Variants in CSMD1 observed in about 807,000 individuals in gnomAD.
The protein encoded by CSMD1 is CUB and Sushi multiple domains 1, also known as CUB and sushi domain-containing protein 1.
In CSMD1, 213 loss-of-function variants were observed where a neutral mutation model predicts 417.5. That is an observed-to-expected ratio of 0.51 (90% confidence interval 0.46 to 0.57). The LOEUF (loss-of-function observed/expected upper bound fraction) is 0.57. Ranked by LOEUF, CSMD1 falls within the 20% of genes least tolerant of loss-of-function variation. The pLI is 0.00. For synonymous variants in CSMD1, 2,862 were observed against 1,736.8 expected (o/e 1.65, Z -16.11); for missense variants, 6,923 against 4,529.7 (o/e 1.53, Z -15.17).
intron 3 of CSMD1, among the ~76,000 whole-genome samples, chr8:4,183,461 C>G (rs1013461626): frequency 1.3e-5 from 2 of 152,170 alleles, no homozygotes; most frequent in Non-Finnish European, 2.9e-5. Context: ...CCCTCAATGA[C>G]ATGTTCTTCA....
In CSMD1 at chr8:4,723,186, A is replaced by C. The variant is rs1229787713; in HGVS notation, c.86-85628T>G. 2.0e-5 allele frequency among the ~76,000 whole-genome samples: 3 copies of C among 152,136 alleles called. No homozygotes were observed. In the East Asian group the frequency reaches 5.8e-4, roughly 29 times the overall value. On this transcript the variant is annotated intron_variant, in intron 1 of 69. Transcript: ENST00000635120. ...ATTCTATTATATGGTCTCATGGGGA[A>C]CCCGCCAGGAAGTCATAGAGTATAA...
At chr8:3,448,426 A>AGGGAGGAGGGAAGGGAGGGAG (rs532643101) in intron 12 of CSMD1, among the ~76,000 whole-genome samples, 1 of 96,098 alleles carries the variant, frequency 1.0e-5, no homozygotes, top group Admixed American at 1.2e-4. Flanking sequence ...AAGGGAAGGA[A>AGGGAGGAGGGAAGGGAGGGAG]GAAGGAGCAA....
At chr8:4,081,588 C>T (rs1393589009) in intron 3 of CSMD1, among the ~76,000 whole-genome samples, 1 of 151,978 alleles carries the variant, frequency 6.6e-6, no homozygotes, top group Admixed American at 6.6e-5. Flanking sequence ...AACACTATAC[C>T]CAACCACTGC....
At chr8:3,372,639 T>C (rs1391718655) in intron 18 of CSMD1, among the ~76,000 whole-genome samples, 2 of 151,922 alleles carry the variant, frequency 1.3e-5, no homozygotes, top group African/African-American at 4.8e-5. Flanking sequence ...AACCTGAGTG[T>C]GAAATAACTA....
chr8:3,768,041 A>T (rs765253421), intron 5 of CSMD1, among the ~76,000 whole-genome samples: 2 of 152,206 alleles, frequency 1.3e-5, no homozygotes, highest in Non-Finnish European at 2.9e-5. Flanking sequence ...AAACAGAATC[A>T]ATCTTTGACC....
At chr8:3,389,259 C>T (rs1163811173) in intron 17 of CSMD1, among the ~76,000 whole-genome samples, 1 of 152,122 alleles carries the variant, frequency 6.6e-6, no homozygotes, top group Non-Finnish European at 1.5e-5. Context: ...CCGATCCTCT[C>T]CTTCCTGCTA....
At chr8:4,962,331 C>T (rs1321339136) in intron 1 of CSMD1, among the ~76,000 whole-genome samples, 1 of 152,032 alleles carries the variant, frequency 6.6e-6, no homozygotes, top group Non-Finnish European at 1.5e-5. Flanking sequence ...CCATCTTTGC[C>T]TCCCAATTAG....
chr8:3,443,367 T>C (rs1815111046), intron 12 of CSMD1, among the ~76,000 whole-genome samples: 1 of 152,136 alleles, frequency 6.6e-6, no homozygotes, highest in African/African-American at 2.4e-5. Flanking sequence ...AGCAAGCTAC[T>C]ATAGAATGAG....
chr8:3,168,953 A>G lies in CSMD1; in HGVS notation c.5726-6676T>C, dbSNP rs114429014. Among the ~76,000 whole-genome samples the G allele has an allele frequency of 1.9e-3, 296 of 152,208 alleles. 1 individual carries two copies. The highest frequency in any genetic ancestry group is 6.9e-3 in the African/African-American group (285 of 41,538). Reference sequence around the variant, plus strand: ...TCTCTCTCTCAGGGGCTCACAAATTATATTAGCATTTTACTGGTGCAGAGA... The same window carrying G: ...TCTCTCTCTCAGGGGCTCACAAATTGTATTAGCATTTTACTGGTGCAGAGA... On this transcript the variant is annotated intron_variant, in intron 37 of 69. Coordinates refer to ENST00000635120, the MANE Select transcript of CSMD1 (RefSeq NM_033225.6).
chr8:4,098,121 A>T (rs1167545365), intron 3 of CSMD1, among the ~76,000 whole-genome samples: 4 of 152,202 alleles, frequency 2.6e-5, no homozygotes, highest in Non-Finnish European at 5.9e-5. Flanking sequence ...ATGATCTTTC[A>T]CTCATCAGAT....
At chr8:4,976,019 G>T (rs564987447) in intron 1 of CSMD1, among the ~76,000 whole-genome samples, 2 of 152,302 alleles carry the variant, frequency 1.3e-5, no homozygotes, top group African/African-American at 4.8e-5. Flanking sequence ...GTTTGGACTG[G>T]AGCTTTTGTT....
intron 3 of CSMD1, among the ~76,000 whole-genome samples, chr8:4,113,162 G>A (rs1481370600): frequency 1.3e-5 from 2 of 151,976 alleles, no homozygotes; most frequent in African/African-American, 2.4e-5. Context: ...CCCTCCTCGG[G>A]CCTTCCTAGC....
At chr8:4,166,997 T>C (rs1797493969) in intron 3 of CSMD1, among the ~76,000 whole-genome samples, 1 of 152,214 alleles carries the variant, frequency 6.6e-6, no homozygotes, top group South Asian at 2.1e-4. Flanking sequence ...GCCCCTGTGC[T>C]GGGTGTTTGT....
chr8:4,086,810 C>G (rs950600826), intron 3 of CSMD1, among the ~76,000 whole-genome samples: 1 of 152,174 alleles, frequency 6.6e-6, no homozygotes, highest in Admixed American at 6.5e-5. Context: ...ATTTCTTAGT[C>G]TGAGATGAAA....
At chr8:3,185,196 C>T (rs1448485687) in intron 36 of CSMD1, among the ~76,000 whole-genome samples, 1 of 152,164 alleles carries the variant, frequency 6.6e-6, no homozygotes, top group Non-Finnish European at 1.5e-5. Context: ...ATGAAGTGCA[C>T]GAACTCCGTG....
chr8:3,577,907 G>A (rs778491282), intron 9 of CSMD1, among the ~76,000 whole-genome samples: 20 of 152,160 alleles, frequency 1.3e-4, no homozygotes, highest in African/African-American at 1.9e-4. Context: ...AAGTTCAGCC[G>A]TGCATGTGTA....
chr8:4,704,149 T>G (rs1215173926), intron 1 of CSMD1, among the ~76,000 whole-genome samples: 1 of 152,210 alleles, frequency 6.6e-6, no homozygotes, highest in South Asian at 2.1e-4. Flanking sequence ...GTGATCTAGC[T>G]AAATACTCAA....
chr8:4,908,424 T>C (rs926222859), intron 1 of CSMD1, among the ~76,000 whole-genome samples: 4 of 152,356 alleles, frequency 2.6e-5, no homozygotes, highest in Middle Eastern at 3.4e-3. Flanking sequence ...GCTCCCAGTA[T>C]ATTCCTCAAA....
chr8:3,598,688 T>G (rs1250607074), intron 8 of CSMD1, among the ~76,000 whole-genome samples: 1 of 152,128 alleles, frequency 6.6e-6, no homozygotes, highest in Non-Finnish European at 1.5e-5. Flanking sequence ...AGCTGAAGGG[T>G]TGCCTTGGAT....
Sources: gnomAD v4.1 joint callset for allele counts (sites outside exome capture counted in the v4.1 genomes callset) on GRCh38, gnomAD v4.1.1 for gene constraint, MANE v1.5 for transcripts, NCBI Gene and HGNC (gene_info 2026-07-23, HGNC 2026-07-21) for gene names.